SYNDIG1L: variants seen among roughly 807,000 people sequenced by gnomAD.
The protein encoded by SYNDIG1L is synapse differentiation-inducing gene protein 1-like.
Under a neutral mutation model 20.1 loss-of-function variants are expected in SYNDIG1L, and 13 were observed. The ratio of observed to expected loss-of-function variants is 0.65; its 90% CI spans 0.42 to 1.03. SYNDIG1L has a LOEUF of 1.03. Among genes scored for constraint, SYNDIG1L ranks in the 50% least tolerant of loss-of-function variants. SYNDIG1L has a pLI of 0.00. For synonymous variants in SYNDIG1L, 128 were observed against 129.3 expected (o/e 0.99, Z 0.07); for missense variants, 294 against 305.1 (o/e 0.96, Z 0.27).
At chr14:74,411,107 G>A (rs752189792) in intron 1 of SYNDIG1L, among the ~76,000 whole-genome samples, 2 of 152,226 alleles carry the variant, frequency 1.3e-5, no homozygotes, top group Non-Finnish European at 2.9e-5. Context: ...TTGGCCCATC[G>A]CAAAGCTGGA....
chr14:74,435,140 A>T, the SYNDIG1L span, among the ~76,000 whole-genome samples: 1 of 150,478 alleles, frequency 6.6e-6, no homozygotes, highest in South Asian at 2.1e-4. Context: ...TGGGTTTGCA[A>T]CTTGAATCTC....
At chr14:74,466,314 C>A in the SYNDIG1L span, among the ~76,000 whole-genome samples, 1 of 152,062 alleles carries the variant, frequency 6.6e-6, no homozygotes, top group African/African-American at 2.4e-5. Flanking sequence ...ATGGAAAGCA[C>A]AGAACTCCAT....
At chr14:74,441,137 A>G in the SYNDIG1L span, among the ~76,000 whole-genome samples, 1 of 152,246 alleles carries the variant, frequency 6.6e-6, no homozygotes, top group Non-Finnish European at 1.5e-5. Context: ...GAATAGATAT[A>G]TGAGTCCTCC....
the SYNDIG1L span, among the ~76,000 whole-genome samples, chr14:74,471,012 G>A: frequency 6.6e-6 from 1 of 152,162 alleles, no homozygotes; most frequent in East Asian, 1.9e-4. Context: ...CATCTTCAAG[G>A]AGCTCACAGT....
intron 1 of SYNDIG1L, 74 bp from the exon 2 acceptor site, chr14:74,409,875 G>T: frequency 8.6e-7 from 1 of 1,164,802 alleles, no homozygotes. Context: ...TGAAGAGCAT[G>T]GGTCCTGCAG....
At chr14:74,437,563 A>C in the SYNDIG1L span, among the ~76,000 whole-genome samples, 1 of 152,200 alleles carries the variant, frequency 6.6e-6, no homozygotes, top group Non-Finnish European at 1.5e-5. Flanking sequence ...AATGGCAAGG[A>C]AACTAGATGG....
Position 74,407,661 on chromosome 14 carries a change from G to A in SYNDIG1L, c.591C>T (p.Arg197=), listed in dbSNP as rs760974046. Residue 197 remains arginine, a synonymous_variant, in exon 4 of 4, where the codon CGC becomes CGT. Transcript: ENST00000331628. ...CCCGGCGGGAGGTGGTGCTGGCCAGGCGGAAGTCCCCTTTGGAGATGGCCT... is the reference window on the plus strand; with the variant it reads ...CCCGGCGGGAGGTGGTGCTGGCCAGACGGAAGTCCCCTTTGGAGATGGCCT... ...TSKAISKGDF[R]LASTTSRRAL... The A allele has an allele frequency of 6.2e-7, 1 of 1,612,244 alleles. No individual in the cohort carries two copies. The highest frequency in any genetic ancestry group is 1.3e-5 in the African/African-American group (1 of 74,918).
At chr14:74,478,801 C>G in the SYNDIG1L span, among the ~76,000 whole-genome samples, 1 of 152,182 alleles carries the variant, frequency 6.6e-6, no homozygotes, top group Non-Finnish European at 1.5e-5. Context: ...AGAGTGACAG[C>G]TAACATTTAG....
At chr14:74,462,242 G>A in the SYNDIG1L span, among the ~76,000 whole-genome samples, 1 of 151,784 alleles carries the variant, frequency 6.6e-6, no homozygotes, top group East Asian at 2.0e-4. Flanking sequence ...CCAGCACTTT[G>A]GGAGGCTGAG....
chr14:74,456,287 T>C, the SYNDIG1L span, among the ~76,000 whole-genome samples: 3 of 152,212 alleles, frequency 2.0e-5, no homozygotes, highest in African/African-American at 7.2e-5. Context: ...CCCAGCACTT[T>C]GGGAGGCCAA....
rs2086079760 is a variant in SYNDIG1L at position 74,406,416 on chromosome 14, CCCATGGAAGGTT to C, written c.*1107_*1118del. On this transcript the variant is annotated 3_prime_UTR_variant, in exon 4 of 4. Coordinates refer to ENST00000331628, the MANE Select transcript of SYNDIG1L (RefSeq NM_001105579.2). ...CAGAATCCAAACAGCCTGGAAGCTT[CCCATGGAAGGTT>C]CCTGCCACATCCCTGCCTACAAATA... 4.2e-6 allele frequency: 1 copy of C among 239,704 alleles called. No individual in the cohort carries two copies. Among genetic ancestry groups the C allele is most frequent in the Admixed American group, 5.6e-5 (1 of 17,738 alleles). 14.8% of individuals were successfully genotyped at this position (239,704 alleles called of 1,614,324 possible).
chr14:74,454,691 C>T, the SYNDIG1L span, among the ~76,000 whole-genome samples: 1 of 152,222 alleles, frequency 6.6e-6, no homozygotes, highest in African/African-American at 2.4e-5. Context: ...CTTGTACCTA[C>T]TCCTTGCCCT....
At chr14:74,411,779 A>T (rs2086132616) in intron 1 of SYNDIG1L, among the ~76,000 whole-genome samples, 3 of 152,196 alleles carry the variant, frequency 2.0e-5, no homozygotes, top group Admixed American at 2.0e-4. Flanking sequence ...GCAAGAAGAC[A>T]CTACCCGTGG....
At chr14:74,440,516 TA>T in the SYNDIG1L span, among the ~76,000 whole-genome samples, 158 of 97,216 alleles carry the variant, frequency 1.6e-3, 1 homozygote, top group Middle Eastern at 5.9e-3. Context: ...CTCCGTCTCA[TA>T]AAAAAAAAAA....
chr14:74,408,423 G>A (rs1244663162), intron 2 of SYNDIG1L, among the ~76,000 whole-genome samples: 4 of 152,104 alleles, frequency 2.6e-5, no homozygotes, highest in Non-Finnish European at 5.9e-5. Flanking sequence ...AATTAGCTGG[G>A]CATGGTGGCA....
the SYNDIG1L span, among the ~76,000 whole-genome samples, chr14:74,446,607 T>C: frequency 6.7e-6 from 1 of 148,672 alleles, no homozygotes; most frequent in Non-Finnish European, 1.5e-5. Flanking sequence ...AACCCAGTTA[T>C]GTGCTGGCTT....
chr14:74,417,730 T>C (rs535966697), intron 1 of SYNDIG1L, among the ~76,000 whole-genome samples: 71 of 152,246 alleles, frequency 4.7e-4, no homozygotes, highest in African/African-American at 1.7e-3. Context: ...CATGGAGCTA[T>C]GTGATTGGTG....
chr14:74,406,022 C>T lies in SYNDIG1L; in HGVS notation c.*1513G>A, dbSNP rs989935644. On this transcript the variant is annotated 3_prime_UTR_variant, in exon 4 of 4. Coordinates refer to ENST00000331628, the MANE Select transcript of SYNDIG1L (RefSeq NM_001105579.2). Reference sequence around the variant, plus strand: ...GGGGAGGACAGTGGGACAAGGGATGCTCAGTGGTGGAGCCACAGCCCTGGG... The same window carrying T: ...GGGGAGGACAGTGGGACAAGGGATGTTCAGTGGTGGAGCCACAGCCCTGGG... 1 of 398,838 alleles carries T rather than the reference C, an allele frequency of 2.5e-6. No individual in the cohort carries two copies. Among genetic ancestry groups the T allele is most frequent in the African/African-American group, 2.1e-5 (1 of 48,724 alleles). The allele number at this position is 398,838 out of a possible 1,614,324, so 24.7% of individuals were successfully genotyped here.
chr14:74,445,009 C>T, the SYNDIG1L span, among the ~76,000 whole-genome samples: 1 of 152,108 alleles, frequency 6.6e-6, no homozygotes, highest in Non-Finnish European at 1.5e-5. Flanking sequence ...ATGTGATCCC[C>T]AGTGTTGGAG....
Sources: allele counts gnomAD v4.1 joint callset (sites outside exome capture counted in the v4.1 genomes callset), GRCh38; gene constraint gnomAD v4.1.1; transcripts MANE v1.5; gene names NCBI Gene and HGNC (gene_info 2026-07-23, HGNC 2026-07-21).